Variants in KLHL24 observed in about 807,000 individuals in gnomAD.
The protein encoded by KLHL24 is kelch like family member 24.
KLHL24 carries 29 observed loss-of-function variants against 53.4 expected under a neutral mutation model. That is an observed-to-expected ratio of 0.54 (90% confidence interval 0.40 to 0.74). The LOEUF is 0.74. KLHL24 is among the 30% of genes least tolerant of loss of function. The pLI, the probability that KLHL24 is intolerant of heterozygous loss-of-function variation, is 0.00. For missense variants in KLHL24, 504 were observed against 744.0 expected, an observed-to-expected ratio of 0.68 and a Z score of 3.75; for synonymous variants, 222 against 253.7, an observed-to-expected ratio of 0.88 and a Z score of 1.19.
chr3:183,680,894 A>G lies in KLHL24; in HGVS notation c.*1608A>G, dbSNP rs1463989613. The G allele has an allele frequency of 6.6e-6, 1 of 152,224 alleles. No homozygotes were observed. The highest frequency in any genetic ancestry group is 1.9e-4 in the East Asian group (1 of 5,204). The allele number at this position is 152,224 out of a possible 1,614,324, so 9.4% of individuals were successfully genotyped here. A position where few individuals can be genotyped will look rare whatever the true frequency, so the allele number is the denominator to read the frequency against. ...GCAAATATGTAATTAAAGTGTCACC[A>G]GATTTCTGTTAAAACCAAGGTTGAA... On this transcript the variant is annotated 3_prime_UTR_variant, in exon 8 of 8. Coordinates refer to ENST00000242810, the MANE Select transcript of KLHL24 (RefSeq NM_017644.3).
chr3:183,639,487 G>A (rs545166297), intron 1 of KLHL24, among the ~76,000 whole-genome samples: 22 of 151,702 alleles, frequency 1.5e-4, no homozygotes, highest in Admixed American at 6.6e-4. Flanking sequence ...AAAATTAGCC[G>A]GGCGTAGCGG....
intron 5 of KLHL24, among the ~76,000 whole-genome samples, chr3:183,668,980 A>T (rs1284997012): frequency 2.0e-5 from 3 of 152,128 alleles, no homozygotes; most frequent in African/African-American, 7.2e-5. Flanking sequence ...TCATCTTATA[A>T]ATAACCCCAA....
intron 1 of KLHL24, among the ~76,000 whole-genome samples, chr3:183,641,682 G>A (rs547019984): frequency 6.6e-6 from 1 of 152,202 alleles, no homozygotes; most frequent in East Asian, 1.9e-4. Context: ...TAGGGGCCAT[G>A]CTAGTCAGGA....
Position 183,681,887 on chromosome 3 carries a change from T to A in KLHL24, c.*2601T>A, listed in dbSNP as rs546794545. ...GGTGATGCTCATATGAACCTTTGGT[T>A]TAGAATCTATATATGTACATGTGTA... On this transcript the variant is annotated 3_prime_UTR_variant, in exon 8 of 8. Coordinates refer to ENST00000242810, the MANE Select transcript of KLHL24 (RefSeq NM_017644.3). The A allele has an allele frequency of 8.0e-3, 1,224 of 152,622 alleles. 13 individuals are homozygous for A. The highest frequency in any genetic ancestry group is 0.028 in the African/African-American group (1,175 of 41,560). The allele number at this position is 152,622 out of a possible 1,614,324, so 9.5% of individuals were successfully genotyped here.
At chr3:183,676,675 C>A (rs1035363686) in intron 7 of KLHL24, among the ~76,000 whole-genome samples, 1 of 152,156 alleles carries the variant, frequency 6.6e-6, no homozygotes, top group South Asian at 2.1e-4. Flanking sequence ...CCTAAAAACA[C>A]AGCTTATTAT....
At position 183,681,029 on chromosome 3, in the gene KLHL24, G is replaced by A. The variant is rs929842616; in HGVS notation, c.*1743G>A. Reference sequence around the variant, plus strand: ...AATGCTTAGCTAGAATCTACATTCTGAGGAAAACTCTAAAAAACTTAAAAA... The same window carrying A: ...AATGCTTAGCTAGAATCTACATTCTAAGGAAAACTCTAAAAAACTTAAAAA... On this transcript the variant is annotated 3_prime_UTR_variant, in exon 8 of 8. Coordinates refer to ENST00000242810, the MANE Select transcript of KLHL24 (RefSeq NM_017644.3). 6.6e-6 allele frequency: 1 copy of A among 152,086 alleles called. No homozygotes were observed. Among genetic ancestry groups the A allele is most frequent in the Non-Finnish European group, 1.5e-5 (1 of 67,956 alleles). The allele number at this position is 152,086 out of a possible 1,614,324, so 9.4% of individuals were successfully genotyped here. A position where few individuals can be genotyped will look rare whatever the true frequency, so the allele number is the denominator to read the frequency against.
At chr3:183,673,863 C>G (rs1721704063) in intron 7 of KLHL24, among the ~76,000 whole-genome samples, 1 of 152,232 alleles carries the variant, frequency 6.6e-6, no homozygotes, top group South Asian at 2.1e-4. Context: ...ATTTACTGCT[C>G]AGCACTGATG....
intron 3 of KLHL24, among the ~76,000 whole-genome samples, chr3:183,662,215 C>T (rs3772709): frequency 0.34 from 50,928 of 151,884 alleles, 9,394 homozygotes; most frequent in African/African-American, 0.49. Flanking sequence ...GATTTTATAA[C>T]GGAAAAAGTA....
At chr3:183,638,290 A>C (rs1715702094) in intron 1 of KLHL24, among the ~76,000 whole-genome samples, 1 of 152,220 alleles carries the variant, frequency 6.6e-6, no homozygotes, top group South Asian at 2.1e-4. Context: ...ACCAGCTTTA[A>C]CTTAAACTTT....
chr3:183,658,809 AT>A (rs35150276), intron 3 of KLHL24, among the ~76,000 whole-genome samples: 16 of 140,116 alleles, frequency 1.1e-4, no homozygotes, highest in Admixed American at 5.0e-4. Context: ...CCTTCCTCCC[AT>A]TTTTTTTTTT....
At chr3:183,678,656 C>G (rs899214485) in intron 7 of KLHL24, among the ~76,000 whole-genome samples, 2 of 152,000 alleles carry the variant, frequency 1.3e-5, no homozygotes, top group Admixed American at 1.3e-4. Flanking sequence ...TTTTCCTGAT[C>G]CTCTTCCTCC....
intron 1 of KLHL24, among the ~76,000 whole-genome samples, chr3:183,640,703 A>G (rs6804098): frequency 0.34 from 50,743 of 148,884 alleles, 9,354 homozygotes; most frequent in African/African-American, 0.5. Flanking sequence ...GGGTTCAAGC[A>G]TTTCCGCTGC....
chr3:183,660,978 TG>T (rs1217894314), intron 3 of KLHL24, among the ~76,000 whole-genome samples: 1 of 117,830 alleles, frequency 8.5e-6, no homozygotes, highest in Non-Finnish European at 1.7e-5. Context: ...GGCAGGAGAA[TG>T]GCGTGAACCC....
chr3:183,640,724 T>G (rs1438783136), intron 1 of KLHL24, among the ~76,000 whole-genome samples: 1 of 151,750 alleles, frequency 6.6e-6, no homozygotes, highest in Non-Finnish European at 1.5e-5. Flanking sequence ...CTCAGCCTCC[T>G]GAGTAGCTGG....
At chr3:183,675,568 T>A (rs78577917) in intron 7 of KLHL24, among the ~76,000 whole-genome samples, 3,416 of 152,224 alleles carry the variant, frequency 0.022, 108 homozygotes, top group East Asian at 0.16. Context: ...TTCTAATTTT[T>A]AAAAAATCTA....
chr3:183,639,340 C>A (rs962289572), intron 1 of KLHL24, among the ~76,000 whole-genome samples: 2 of 151,458 alleles, frequency 1.3e-5, no homozygotes, highest in Non-Finnish European at 2.9e-5. Context: ...TATTAGATCT[C>A]AAATTTGTGG....
At chr3:183,654,640 T>C (rs1718601389) in intron 3 of KLHL24, among the ~76,000 whole-genome samples, 1 of 152,336 alleles carries the variant, frequency 6.6e-6, no homozygotes, top group South Asian at 2.1e-4. Context: ...TCCCCCAGTC[T>C]TCCAAACTGT....
chr3:183,667,922 G>A (rs1025773486), intron 5 of KLHL24, among the ~76,000 whole-genome samples: 2 of 151,242 alleles, frequency 1.3e-5, no homozygotes, highest in African/African-American at 4.9e-5. Flanking sequence ...CCTGTTGCCT[G>A]GGCTGGTTTC....
chr3:183,674,307 T>TCTTTCTTTC, intron 7 of KLHL24, among the ~76,000 whole-genome samples: 1 of 118,664 alleles, frequency 8.4e-6, no homozygotes, highest in Middle Eastern at 4.8e-3. Flanking sequence ...TTCTTTCCTT[T>TCTTTCTTTC]CTTCCTTCCT....
Sources: allele counts gnomAD v4.1 joint callset (sites outside exome capture counted in the v4.1 genomes callset), GRCh38; gene constraint gnomAD v4.1.1; transcripts MANE v1.5; gene names NCBI Gene and HGNC (gene_info 2026-07-23, HGNC 2026-07-21).